The following CRAT variants were observed in gnomAD, a reference collection of about 807,000 sequenced individuals.
CRAT encodes carnitine acetylase.
Under a neutral mutation model 73.7 loss-of-function variants are expected in CRAT, and 66 were observed. The ratio of observed to expected loss-of-function variants is 0.90; its 90% CI spans 0.73 to 1.10. CRAT has a LOEUF of 1.10. Ranked by LOEUF, CRAT falls within the 50% of genes least tolerant of loss-of-function variation. The pLI, the probability that CRAT is intolerant of heterozygous loss-of-function variation, is 0.00. For synonymous variants in CRAT, 321 were observed against 343.2 expected (o/e 0.94, Z 0.71); for missense variants, 745 against 846.9 (o/e 0.88, Z 1.49).
chr9:129,100,648 T>C lies in CRAT; in HGVS notation c.847A>G (p.Ile283Val). The C allele has an allele frequency of 6.2e-7, 1 of 1,614,064 alleles. No homozygotes were observed. The highest frequency in any genetic ancestry group is 8.5e-7 in the Non-Finnish European group (1 of 1,179,960). Residue 283 changes from isoleucine to valine, a missense_variant, in exon 7 of 14, where the codon ATC (isoleucine) becomes GTC (valine). Transcript: ENST00000318080. ...GTTGCATCTAGGCACACGGTGAAGA[T>C]GCTCTTCTGGATGGAGCGCACGGAA... is the stretch of plus-strand genomic sequence containing the variant. ...RDSVRSIQKS[I>V]FTVCLDATMP... is the part of the protein sequence containing the mutation.
rs771266095 is a variant in CRAT at position 129,096,079 on chromosome 9, G to C, written c.1584C>G (p.Ile528Met). 3.7e-6 allele frequency: 6 copies of C among 1,613,958 alleles called. No homozygotes were observed. The African/African-American group carries it at 4.0e-5, about 11-fold the overall frequency. Residue 528 changes from isoleucine (I) to methionine (M), a missense_variant, in exon 13 of 14, where the codon ATC becomes ATG. Transcript: ENST00000318080. ...RHLLGLKLQA[I>M]EDLVSMPDIF... is the part of the protein sequence containing the mutation. ...TGTCGGGCATGCTCACCAGGTCCTC[G>C]ATGGCCTGCAGCTTCAGGCCCAGCA...
chr9:129,096,177 C>G lies in CRAT; in HGVS notation c.1528-42G>C, dbSNP rs201402896. On this transcript the variant is annotated intron_variant, in intron 12 of 13. Coordinates refer to ENST00000318080, the MANE Select transcript of CRAT (RefSeq NM_000755.5). ...GCTGTCAGGAGCAGGGGCTGTGGAC[C>G]CCCGGGGTATCCCTGCCCTCTTCAG... The G allele has an allele frequency of 1.6e-4, 260 of 1,608,256 alleles. No homozygotes were observed. The East Asian group carries it at 5.6e-3, about 34-fold the overall frequency.
chr9:129,097,791 C>T, intron 11 of CRAT: 1 of 615,612 alleles, frequency 1.6e-6, no homozygotes, highest in Non-Finnish European at 2.7e-6. Context: ...AGGGCAGTTG[C>T]TTACTGCCAA....
At chr9:129,099,747 A>G (rs1278850431) in intron 8 of CRAT, 119 bp downstream of exon 8, 9 of 803,326 alleles carry the variant, frequency 1.1e-5, no homozygotes, top group Non-Finnish European at 1.7e-5. Context: ...GCTTCCTTGG[A>G]AAAAAACAGA....
Position 129,102,049 on chromosome 9 carries a change from C to G in CRAT, c.639G>C (p.Glu213Asp). The change falls in exon 6 of 14, where the codon GAG becomes GAC. Residue 213 changes from glutamate (E) to aspartate (D), a missense_variant. Coordinates refer to ENST00000318080, the MANE Select transcript of CRAT (RefSeq NM_000755.5). ...ITVVHNYQFF[E>D]LDVYHSDGTP... ...TCCCGTCACTGTGGTACACATCCAG[C>G]TCAAAAAACTGTTGGGGCACAGGCA... The G allele has an allele frequency of 6.2e-7, 1 of 1,613,580 alleles. No individual in the cohort carries two copies. Among genetic ancestry groups the G allele is most frequent in the Non-Finnish European group, 8.5e-7 (1 of 1,179,756 alleles).
At chr9:129,101,860 C>T in intron 6 of CRAT, 23 bp downstream of exon 6, 1 of 1,610,044 alleles carries the variant, frequency 6.2e-7, no homozygotes, top group Non-Finnish European at 8.5e-7. Flanking sequence ...GTGTGCAGCC[C>T]CAGCACGGCC....
chr9:129,108,508 A>C, intron 1 of CRAT: 1 of 1,163,186 alleles, frequency 8.6e-7, no homozygotes, highest in South Asian at 1.7e-5. Context: ...GAAGGGAAGA[A>C]GAGAGAATCA....
chr9:129,100,928 A>C (rs1274614645), intron 6 of CRAT, among the ~76,000 whole-genome samples: 1 of 152,222 alleles, frequency 6.6e-6, no homozygotes, highest in Non-Finnish European at 1.5e-5. Context: ...GCAGGGCCCA[A>C]CACCTGGCCC....
intron 1 of CRAT, chr9:129,108,765 T>C (rs1848178827): frequency 7.7e-7 from 1 of 1,304,064 alleles, no homozygotes; most frequent in Admixed American, 2.3e-5. Context: ...TTCCATACCT[T>C]CTCTCTCTGC....
At position 129,095,175 on chromosome 9, in the gene CRAT, C is replaced by T. The variant is rs544209490; in HGVS notation, c.*222G>A. ...CCTAACGTCCTGCTCAGCCTCTGCA[C>T]TCAGCCCCAGGTCGGGCCCTGGCAG... On this transcript the variant is annotated 3_prime_UTR_variant, in exon 14 of 14. Transcript: ENST00000318080. 5 of 597,926 alleles carry T rather than the reference C, an allele frequency of 8.4e-6. No individual in the cohort carries two copies. The highest frequency in any genetic ancestry group is 5.6e-5 in the African/African-American group (3 of 53,928). The allele number at this position is 597,926 out of a possible 1,614,324, so 37.0% of individuals were successfully genotyped here. A position where few individuals can be genotyped will look rare whatever the true frequency, so the allele number is the denominator to read the frequency against.
At chr9:129,104,330 C>G in intron 2 of CRAT, 24 bp from the exon 3 acceptor site, 1 of 1,594,730 alleles carries the variant, frequency 6.3e-7, no homozygotes, top group Non-Finnish European at 8.6e-7. Flanking sequence ...CAGAGCCTGT[C>G]AGGAGGGGTG....
Position 129,095,290 on chromosome 9 carries a change from A to G in CRAT, c.*107T>C, listed in dbSNP as rs1408495803. ...GTGGCTCAGTAGATTTGGGGGGACC[A>G]GGGAAGAGGGAACCAAGGAAGAGGG... On this transcript the variant is annotated 3_prime_UTR_variant, in exon 14 of 14. Coordinates refer to ENST00000318080, the MANE Select transcript of CRAT (RefSeq NM_000755.5). The G allele has an allele frequency of 6.6e-6, 8 of 1,213,690 alleles. No individual in the cohort carries two copies. The highest frequency in any genetic ancestry group is 2.7e-5 in the South Asian group (2 of 73,884). The allele number at this position is 1,213,690 out of a possible 1,614,324, so 75.2% of individuals were successfully genotyped here.
At chr9:129,098,816 CTTTT>C (rs58400805) in intron 8 of CRAT, among the ~76,000 whole-genome samples, 166 bp from the exon 9 acceptor site, 40 of 127,476 alleles carry the variant, frequency 3.1e-4, no homozygotes, top group Non-Finnish European at 3.2e-4. Context: ...TTTCTTTTTT[CTTTT>C]TTTTTTTTTT....
chr9:129,097,046 C>T (rs527582603), intron 12 of CRAT, among the ~76,000 whole-genome samples: 10 of 147,236 alleles, frequency 6.8e-5, no homozygotes, highest in Non-Finnish European at 1.0e-4. Flanking sequence ...CCAGCCTGGG[C>T]GACAGAGCAA....
In CRAT at chr9:129,098,153, T is replaced by C. The variant is rs760054687; in HGVS notation, c.1329-5A>G. The C allele has an allele frequency of 6.2e-7, 1 of 1,613,660 alleles. No individual in the cohort carries two copies. Among genetic ancestry groups the C allele is most frequent in the Non-Finnish European group, 8.5e-7 (1 of 1,180,000 alleles). ...GCACATGCCTGTCCGTAGATCCTGG[T>C]GGGAAATGGGGCTAAGCACGCCCCT... On this transcript the variant is annotated splice_polypyrimidine_tract_variant and splice_region_variant and intron_variant, in intron 10 of 13. Coordinates refer to ENST00000318080, the MANE Select transcript of CRAT (RefSeq NM_000755.5).
intron 6 of CRAT, 102 bp downstream of exon 6, chr9:129,101,781 G>T: frequency 2.2e-6 from 3 of 1,370,832 alleles, no homozygotes; most frequent in South Asian, 1.4e-5. Flanking sequence ...TCATTCCTTT[G>T]TTGCCAGCAG....
rs1282767752 is a variant in CRAT at position 129,103,714 on chromosome 9, C to T, written c.410+474G>A. ...CTTTAAGAGAAGCAGGTGGTGGCAGCCAGTGGCTGGTCCTTGGGCAGGAGA... is the reference window on the plus strand; with the variant it reads ...CTTTAAGAGAAGCAGGTGGTGGCAGTCAGTGGCTGGTCCTTGGGCAGGAGA... On this transcript the variant is annotated intron_variant, in intron 3 of 13. Coordinates refer to ENST00000318080, the MANE Select transcript of CRAT (RefSeq NM_000755.5). This position sits in a 1 kb window ranked among gnomAD's most constrained non-coding sequence, Gnocchi z 4.6. Among the ~76,000 whole-genome samples, 2 of 152,192 alleles carry T rather than the reference C, an allele frequency of 1.3e-5. No homozygotes were observed. The highest frequency in any genetic ancestry group is 1.5e-5 in the Non-Finnish European group (1 of 68,034).
intron 1 of CRAT, chr9:129,108,462 C>CGTCCT: frequency 8.6e-7 from 1 of 1,168,176 alleles, no homozygotes; most frequent in African/African-American, 1.6e-5. Flanking sequence ...GAGGTCCCCA[C>CGTCCT]GTCCTTTTCT....
intron 7 of CRAT, 168 bp downstream of exon 7, chr9:129,100,343 G>T (rs1847582211): frequency 1.6e-5 from 13 of 813,150 alleles, no homozygotes; most frequent in Non-Finnish European, 2.4e-5. Flanking sequence ...GACTGGTGAT[G>T]ACAGGCTGGC....
Sources: gnomAD v4.1 joint callset for allele counts (sites outside exome capture counted in the v4.1 genomes callset) on GRCh38, gnomAD v4.1.1 for gene constraint, Gnocchi (gnomAD v3.1) non-coding constraint, MANE v1.5 for transcripts, NCBI Gene and HGNC (gene_info 2026-07-23, HGNC 2026-07-21) for gene names.